SH3D19: variants seen among roughly 807,000 people sequenced by gnomAD.
SH3D19 encodes SH3 domain-containing protein 19.
SH3D19 carries 58 observed loss-of-function variants against 112.1 expected under a neutral mutation model. That is an observed-to-expected ratio of 0.52 (90% CI 0.42 to 0.64). SH3D19 has a LOEUF of 0.64. Ranked by LOEUF, SH3D19 falls within the 30% of genes least tolerant of loss-of-function variation. The pLI is 0.00. For synonymous variants in SH3D19, 391 were observed against 448.5 expected (o/e 0.87, Z 1.62); for missense variants, 1,090 against 1,263.4 (o/e 0.86, Z 2.08).
rs540280942 is a variant in SH3D19, at chr4:151,236,262, G to A, written c.113-10176C>T. 3.3e-3 allele frequency among the ~76,000 whole-genome samples: 509 copies of A among 152,378 alleles called. 4 individuals carry two copies. The highest frequency in any genetic ancestry group is 0.011 in the African/African-American group (475 of 41,592). ...AGGTGCAAGCGGGAGCCGGGGCTGCGCCCGGGGCTTGCGGGCTGGCGGGGG... is the reference window on the plus strand; with the variant it reads ...AGGTGCAAGCGGGAGCCGGGGCTGCACCCGGGGCTTGCGGGCTGGCGGGGG... On this transcript the variant is annotated intron_variant, in intron 1 of 19. Transcript: ENST00000604030.
chr4:151,278,042 C>T (rs1034697371), intron 1 of SH3D19, among the ~76,000 whole-genome samples: 2 of 151,794 alleles, frequency 1.3e-5, no homozygotes, highest in Non-Finnish European at 2.9e-5. Context: ...CCCCGTCCCC[C>T]CAAAAAACAG....
chr4:151,128,048 A>G, intron 18 of SH3D19, 122 bp downstream of exon 18: 2 of 724,654 alleles, frequency 2.8e-6, no homozygotes, highest in Non-Finnish European at 4.1e-6. Flanking sequence ...AACTTCATGT[A>G]TCAGCTCTTT....
intron 1 of SH3D19, among the ~76,000 whole-genome samples, chr4:151,231,717 G>A (rs1191321886): frequency 6.6e-6 from 1 of 152,198 alleles, no homozygotes; most frequent in African/African-American, 2.4e-5. Flanking sequence ...TTACATGGCT[G>A]CTGCTGCCCA....
intron 5 of SH3D19, 34 bp downstream of exon 5, chr4:151,176,783 T>C: frequency 4.9e-6 from 6 of 1,231,594 alleles, no homozygotes; most frequent in Non-Finnish European, 6.1e-6. Flanking sequence ...ATTTAAAAAA[T>C]AAAATGCAAA....
chr4:151,182,651 T>C (rs1178632780), intron 3 of SH3D19, among the ~76,000 whole-genome samples: 1 of 152,218 alleles, frequency 6.6e-6, no homozygotes, highest in East Asian at 1.9e-4. Flanking sequence ...TCTTGATCCT[T>C]CTGGAAAAAC....
chr4:151,301,141 T>C (rs935666228), intron 1 of SH3D19, among the ~76,000 whole-genome samples: 7 of 152,192 alleles, frequency 4.6e-5, no homozygotes, highest in Admixed American at 6.5e-5. Context: ...TGGGGGGTGA[T>C]TGGATCATGG....
rs144378586 is a variant in SH3D19, at chr4:151,175,629, G to A, written c.575C>T (p.Ser192Leu). The change falls in exon 7 of 20, where the codon TCG becomes TTG. Residue 192 changes from serine to leucine, a missense_variant. Ser to Leu is a moderately radical substitution (Grantham distance 145). Coordinates refer to ENST00000604030, the MANE Select transcript of SH3D19 (RefSeq NM_001378122.1). Reference sequence around the variant, plus strand: ...CACATTTGTTGGAAGATTGCCAGACGAGACTGCTGAGAAAGGCTGAAGAGG... The same window carrying A: ...CACATTTGTTGGAAGATTGCCAGACAAGACTGCTGAGAAAGGCTGAAGAGG... ...LKPLQPFSAV[S>L]SGNLPTNVAP... is the part of the protein sequence containing the mutation. The A allele has an allele frequency of 1.4e-5, 18 of 1,313,196 alleles. 1 individual carries two copies. In the Admixed American group the frequency reaches 2.5e-4, roughly 18 times the overall value. 81.3% of individuals were successfully genotyped at this position (1,313,196 alleles called of 1,614,324 possible). A position where few individuals can be genotyped will look rare whatever the true frequency, so the allele number is the denominator to read the frequency against.
intron 1 of SH3D19, among the ~76,000 whole-genome samples, chr4:151,233,907 C>T (rs927706149): frequency 1.3e-5 from 2 of 152,200 alleles, no homozygotes; most frequent in African/African-American, 4.8e-5. Flanking sequence ...CTCTGCTTCA[C>T]AGTCAGTACT....
intron 1 of SH3D19, among the ~76,000 whole-genome samples, chr4:151,254,679 T>C (rs1259027475): frequency 1.3e-5 from 2 of 150,770 alleles, no homozygotes; most frequent in African/African-American, 4.8e-5. Context: ...AGAAGAAGTT[T>C]TCTTAGTACA....
At position 151,147,994 on chromosome 4, in the gene SH3D19, T is replaced by C. The variant is rs1754233111; in HGVS notation, c.2010A>G (p.Gln670=). Residue 670 remains glutamine (Q), a synonymous_variant, in exon 11 of 20, where the codon CAA becomes CAG. Coordinates refer to ENST00000604030, the MANE Select transcript of SH3D19 (RefSeq NM_001378122.1). ...LATGLSKAKS[Q]VFKNQDPVLP... is the part of the protein sequence containing the mutation. ...GCACCGGATCTTGATTTTTAAAAACTTGACTCTTGGCTTTTGAGAGTCCAG... is the reference window on the plus strand; with the variant it reads ...GCACCGGATCTTGATTTTTAAAAACCTGACTCTTGGCTTTTGAGAGTCCAG... 4 of 1,614,072 alleles carry C rather than the reference T, an allele frequency of 2.5e-6. No individual in the cohort carries two copies. Among genetic ancestry groups the C allele is most frequent in the African/African-American group, 2.7e-5 (2 of 74,928 alleles).
chr4:151,226,057 G>A lies in SH3D19; in HGVS notation c.142C>T (p.Arg48Cys), dbSNP rs1768941406. ...ACTGTAAATTCATACCTTGAAGAACGATGTTCTGGTTTATTTCGTTCGTTG... is the reference window on the plus strand; with the variant it reads ...ACTGTAAATTCATACCTTGAAGAACAATGTTCTGGTTTATTTCGTTCGTTG... Reference protein sequence around the residue: ...DRNERNKPEHRSSSQGPLSSI... With the variant: ...DRNERNKPEHCSSSQGPLSSI... The change falls in exon 2 of 20, where the codon CGT becomes TGT. Residue 48 changes from arginine (R) to cysteine (C), a missense_variant. By Grantham distance (180) the Arg-to-Cys change is radical. Coordinates refer to ENST00000604030, the MANE Select transcript of SH3D19 (RefSeq NM_001378122.1). 3.2e-6 allele frequency: 4 copies of A among 1,231,302 alleles called. No individual in the cohort carries two copies. Among genetic ancestry groups the A allele is most frequent in the South Asian group, 4.1e-5 (1 of 24,304 alleles). 76.3% of individuals were successfully genotyped at this position (1,231,302 alleles called of 1,614,324 possible).
chr4:151,144,589 GTTTGAAGGAGAA>G (rs1753601932), intron 11 of SH3D19, among the ~76,000 whole-genome samples: 1 of 152,202 alleles, frequency 6.6e-6, no homozygotes, highest in Non-Finnish European at 1.5e-5. Context: ...TCCCCTGGGG[GTTTGAAGGAGAA>G]ACACCCAGCA....
intron 1 of SH3D19, chr4:151,280,075 C>A: frequency 8.2e-7 from 1 of 1,214,896 alleles, no homozygotes; most frequent in Non-Finnish European, 1.2e-6. Flanking sequence ...GAAGGAAACC[C>A]AGGTCATGTC....
chr4:151,322,156 T>A (rs1180515413), intron 1 of SH3D19, among the ~76,000 whole-genome samples: 1 of 152,096 alleles, frequency 6.6e-6, no homozygotes, highest in Non-Finnish European at 1.5e-5. Context: ...ACTACAGAAT[T>A]AACCCTCACT....
intron 2 of SH3D19, among the ~76,000 whole-genome samples, chr4:151,201,373 G>A (rs765037239): frequency 1.3e-5 from 2 of 152,176 alleles, no homozygotes; most frequent in African/African-American, 4.8e-5. Flanking sequence ...AAAATACAGG[G>A]TGTTAATCAA....
chr4:151,145,743 C>T (rs866375652), intron 11 of SH3D19, among the ~76,000 whole-genome samples: 9 of 152,158 alleles, frequency 5.9e-5, no homozygotes, highest in African/African-American at 9.6e-5. Flanking sequence ...GTAGAGGCTA[C>T]GATTGGCGTA....
At chr4:151,176,496 C>T in intron 6 of SH3D19, 38 bp downstream of exon 6, 1 of 1,231,080 alleles carries the variant, frequency 8.1e-7, no homozygotes, top group Non-Finnish European at 1.0e-6. Flanking sequence ...TTCCCTAGAA[C>T]TAGGTCAGAA....
intron 1 of SH3D19, among the ~76,000 whole-genome samples, chr4:151,248,495 A>G (rs1771116005): frequency 1.3e-5 from 2 of 152,222 alleles, no homozygotes; most frequent in Admixed American, 6.5e-5. Context: ...AGTTCTCTCC[A>G]TAACACAGCG....
chr4:151,179,394 G>A lies in SH3D19; in HGVS notation c.197C>T (p.Ser66Phe). Reference sequence around the variant, plus strand: ...AAGTTCACTCTGAATAGAAGTCCGAGAAGCTGTTGAAGAAGGAATAAACTG... The same window carrying A: ...AAGTTCACTCTGAATAGAAGTCCGAAAAGCTGTTGAAGAAGGAATAAACTG... ...SSIRAVIKRS[S>F]RTSIQSELHR... The change falls in exon 4 of 20, where the codon TCT becomes TTT. Residue 66 changes from serine (S) to phenylalanine (F), a missense_variant. By Grantham distance (155) the Ser-to-Phe change is radical. Coordinates refer to ENST00000604030, the MANE Select transcript of SH3D19 (RefSeq NM_001378122.1). 2.4e-6 allele frequency: 3 copies of A among 1,230,212 alleles called. No homozygotes were observed. Among genetic ancestry groups the A allele is most frequent in the Non-Finnish European group, 3.0e-6 (3 of 986,490 alleles). 76.2% of individuals were successfully genotyped at this position (1,230,212 alleles called of 1,614,324 possible).
Sources: allele counts gnomAD v4.1 joint callset (sites outside exome capture counted in the v4.1 genomes callset), GRCh38; gene constraint gnomAD v4.1.1; transcripts MANE v1.5; gene names NCBI Gene and HGNC (gene_info 2026-07-23, HGNC 2026-07-21).